The following IPO11 variants were observed in gnomAD, a reference collection of about 807,000 sequenced individuals.
IPO11 encodes importin-11.
A neutral mutation model predicts 143.2 loss-of-function variants in IPO11; 66 were observed. The observed-to-expected ratio is 0.46, with a 90% CI of 0.38 to 0.57. The LOEUF (loss-of-function observed/expected upper bound fraction) is 0.57, where lower values mean the gene tolerates loss of function less well. Among genes scored for constraint, IPO11 ranks in the 20% least tolerant of loss-of-function variants. The pLI is 0.00. For missense variants in IPO11, 1,026 were observed against 1,141.0 expected (o/e 0.90, Z 1.45); for synonymous variants, 385 against 377.8 (o/e 1.02, Z -0.22).
chr5:62,437,184 A>T (rs1358744779), intron 1 of IPO11, 90 bp from the exon 2 acceptor site: 36 of 1,039,216 alleles, frequency 3.5e-5, no homozygotes, highest in Non-Finnish European at 4.9e-5. Context: ...AGTAATTCAG[A>T]ACATGAAAGC....
chr5:62,470,816 C>CTTTTTTT lies in IPO11; in HGVS notation c.708+531_708+537dup, dbSNP rs70981015. Reference sequence around the variant, plus strand: ...TTCATTGTCTGTAGATAGCCATCTTCTTTTTTTTTTTTTTTTTTTTTTTTT... The same window carrying CTTTTTTT: ...TTCATTGTCTGTAGATAGCCATCTTCTTTTTTTTTTTTTTTTTTTTTTTTTTTTTTTT... On this transcript the variant is annotated intron_variant, in intron 7 of 29. Coordinates refer to ENST00000325324, the MANE Select transcript of IPO11 (RefSeq NM_016338.5). Among the ~76,000 whole-genome samples, 160 of 62,556 alleles carry CTTTTTTT rather than the reference C, an allele frequency of 2.6e-3. 34 individuals are homozygous for CTTTTTTT. The highest frequency in any genetic ancestry group is 0.011 in the East Asian group (16 of 1,418). 41.0% of individuals were successfully genotyped at this position (62,556 alleles called of 152,430 possible).
At chr5:62,438,835 G>A (rs987754030) in intron 2 of IPO11, among the ~76,000 whole-genome samples, 92 of 152,052 alleles carry the variant, frequency 6.1e-4, no homozygotes, top group African/African-American at 2.2e-3. Flanking sequence ...CAAGGCGGGC[G>A]AATCACGTGA....
At chr5:62,438,874 A>G (rs933679582) in intron 2 of IPO11, among the ~76,000 whole-genome samples, 1 of 151,846 alleles carries the variant, frequency 6.6e-6, no homozygotes, top group Admixed American at 6.6e-5. Flanking sequence ...CCTGACTAAC[A>G]CGGTGAAATC....
chr5:62,487,747 A>C, intron 12 of IPO11, 24 bp from the exon 13 acceptor site: 1 of 1,533,876 alleles, frequency 6.5e-7, no homozygotes, highest in Non-Finnish European at 8.8e-7. Flanking sequence ...TTTTGATGAG[A>C]AATTTGTATT....
rs1742257218 is a variant in IPO11, at chr5:62,523,131, G to T, written c.1897-3011G>T. On this transcript the variant is annotated intron_variant, in intron 20 of 29. Transcript: ENST00000325324. ...TAGTTGGCTAAATCAGTTAGCACTT[G>T]TCTTTCTTCCCAGCTTCCAAAGTGA... 2.0e-5 allele frequency among the ~76,000 whole-genome samples: 3 copies of T among 152,170 alleles called. No homozygotes were observed. The South Asian group carries it at 6.2e-4, about 32-fold the overall frequency.
intron 5 of IPO11, among the ~76,000 whole-genome samples, chr5:62,464,810 T>A (rs745620894): frequency 1.3e-5 from 2 of 152,210 alleles, no homozygotes; most frequent in African/African-American, 4.8e-5. Context: ...TGACTTCAGA[T>A]AATGGCGACA....
In IPO11 at chr5:62,550,459, G is replaced by A. The variant is rs1388877496; in HGVS notation, c.2343G>A (p.Gly781=). Residue 781 remains glycine, a synonymous_variant, in exon 25 of 30, where the codon GGG becomes GGA. Transcript: ENST00000325324. ...LPYVFKGIIE[G]ERYPVVMSTY... ...ATGTTTTCAAGGGTATTATAGAAGGGGAGGTAAGATTTTTCTTTAAGTTCC... is the reference window on the plus strand; with the variant it reads ...ATGTTTTCAAGGGTATTATAGAAGGAGAGGTAAGATTTTTCTTTAAGTTCC... 4 of 1,602,612 alleles carry A rather than the reference G, an allele frequency of 2.5e-6. No individual in the cohort carries two copies. Among genetic ancestry groups the A allele is most frequent in the Non-Finnish European group, 3.4e-6 (4 of 1,171,498 alleles).
intron 27 of IPO11, among the ~76,000 whole-genome samples, chr5:62,575,557 T>C (rs1467034081): frequency 1.3e-5 from 2 of 152,146 alleles, no homozygotes; most frequent in Middle Eastern, 3.2e-3. Context: ...TCTGTTTTTG[T>C]CTCCCATCCA....
Position 62,515,491 on chromosome 5 carries a change from A to G in IPO11, c.1886A>G (p.His629Arg), listed in dbSNP as rs1741982895. The change falls in exon 20 of 30, where the codon CAT becomes CGT. Residue 629 changes from histidine to arginine, a missense_variant. Around this residue, in one of 5 missense-constraint regions of IPO11, gnomAD observed 237 missense variants for 288.0 expected, o/e 0.82. Coordinates refer to ENST00000325324, the MANE Select transcript of IPO11 (RefSeq NM_016338.5). ...LRCAILTTLI[H>R]LVQGLGADSK... ...TGTGCTATTTTGACAACACTTATTC[A>G]TCTTGTTCAGGTAAGTCACTTCTCC... 1.3e-6 allele frequency: 2 copies of G among 1,598,992 alleles called. No individual in the cohort carries two copies. Among genetic ancestry groups the G allele is most frequent in the South Asian group, 1.1e-5 (1 of 87,558 alleles).
intron 24 of IPO11, among the ~76,000 whole-genome samples, chr5:62,547,942 A>G (rs32172): frequency 0.09 from 13,751 of 151,990 alleles, 674 homozygotes; most frequent in East Asian, 0.14. Flanking sequence ...TCTTTCTGCC[A>G]TTTTTCCTTG....
chr5:62,508,298 A>ATTTTTTT (rs70981020), intron 19 of IPO11, among the ~76,000 whole-genome samples: 1 of 127,506 alleles, frequency 7.8e-6, no homozygotes, highest in Non-Finnish European at 1.7e-5. Flanking sequence ...TGCCTGGCTA[A>ATTTTTTT]TTTTTTTTTT....
Position 62,483,105 on chromosome 5 carries a change from TG to T in IPO11, c.835del (p.Asp279ThrfsTer13). The T allele has an allele frequency of 6.4e-7, 1 of 1,570,054 alleles. No individual in the cohort carries two copies. The highest frequency in any genetic ancestry group is 8.7e-7 in the Non-Finnish European group (1 of 1,151,126). On this transcript the variant is annotated frameshift_variant, in exon 10 of 30. Transcript: ENST00000325324. LOFTEE classifies it high-confidence loss of function. Reference protein sequence around the residue: ...KTIILFTKVLLDFLDQHPFSF... With the variant: ...KTIILFTKVLXDFLDQHPFSF... The stretch of plus-strand genomic sequence containing the variant: ...TATTTATTTATTTTTCTACAGCTTT[TG>T]GACTTCTTGGATCAGCATCCTTTTT...
chr5:62,446,662 T>C (rs1397643243), intron 3 of IPO11, among the ~76,000 whole-genome samples: 1 of 152,178 alleles, frequency 6.6e-6, no homozygotes, highest in Non-Finnish European at 1.5e-5. Flanking sequence ...TTGTCAAATA[T>C]ACGTATTACA....
intron 28 of IPO11, among the ~76,000 whole-genome samples, chr5:62,599,442 C>T (rs1166302698): frequency 6.6e-6 from 1 of 152,180 alleles, no homozygotes; most frequent in Non-Finnish European, 1.5e-5. Context: ...TTTATCAGCG[C>T]TCAATGAATG....
chr5:62,561,482 A>G (rs1380180386), intron 27 of IPO11, among the ~76,000 whole-genome samples: 1 of 151,740 alleles, frequency 6.6e-6, no homozygotes, highest in Non-Finnish European at 1.5e-5. Flanking sequence ...TTTTGGTTGT[A>G]TTCATTTTAC....
chr5:62,609,676 G>A (rs1444147798), intron 29 of IPO11, among the ~76,000 whole-genome samples: 2 of 152,254 alleles, frequency 1.3e-5, no homozygotes, highest in Non-Finnish European at 2.9e-5. Context: ...CTGGAGAAGA[G>A]CTGGGCCTGC....
chr5:62,555,537 T>A (rs1743547707), intron 26 of IPO11, among the ~76,000 whole-genome samples: 1 of 150,656 alleles, frequency 6.6e-6, no homozygotes, highest in Admixed American at 6.6e-5. Flanking sequence ...AGAGTCTTGC[T>A]CTGTCGCCCA....
intron 26 of IPO11, among the ~76,000 whole-genome samples, chr5:62,556,907 A>T (rs563009507): frequency 1.5e-4 from 22 of 151,010 alleles, no homozygotes; most frequent in African/African-American, 5.4e-4. Context: ...ATTGGTTTTG[A>T]TTGTTTGTTT....
chr5:62,461,052 G>T (rs1426851795), intron 5 of IPO11, among the ~76,000 whole-genome samples: 1 of 152,078 alleles, frequency 6.6e-6, no homozygotes, highest in Non-Finnish European at 1.5e-5. Flanking sequence ...AAAGGTAAAG[G>T]GCTGAAAGGT....
Sources: gnomAD v4.1 joint callset for allele counts (sites outside exome capture counted in the v4.1 genomes callset) on GRCh38, gnomAD v4.1.1 for gene constraint, gnomAD v4.1.1 regional missense constraint, MANE v1.5 for transcripts, NCBI Gene and HGNC (gene_info 2026-07-23, HGNC 2026-07-21) for gene names.